CHD6: variants seen among roughly 807,000 people sequenced by gnomAD.
CHD6 encodes chromodomain helicase DNA binding protein 6.
A neutral mutation model predicts 276.9 loss-of-function variants in CHD6; 50 were observed. That is an observed-to-expected ratio of 0.18 (90% CI 0.14 to 0.23). CHD6 has a LOEUF of 0.23. Among genes scored for constraint, CHD6 ranks in the 10% least tolerant of loss-of-function variants. CHD6 has a pLI of 1.00. For missense variants in CHD6, 2,564 were observed against 3,365.8 expected (o/e 0.76, Z 5.89); for synonymous variants, 1,173 against 1,229.3 (o/e 0.95, Z 0.96).
intron 1 of CHD6, among the ~76,000 whole-genome samples, chr20:41,599,814 C>T (rs1176068193): frequency 6.6e-6 from 1 of 152,210 alleles, no homozygotes; most frequent in East Asian, 1.9e-4. Flanking sequence ...TAAACAACCC[C>T]TCCCAACTAG....
At chr20:41,470,874 T>G (rs2145771439) in intron 17 of CHD6, among the ~76,000 whole-genome samples, 1 of 152,364 alleles carries the variant, frequency 6.6e-6, no homozygotes, top group Non-Finnish European at 1.5e-5. Flanking sequence ...CCATGAGCTG[T>G]TGCCAGCCCC....
chr20:41,487,931 A>G (rs1451943983), intron 13 of CHD6, 123 bp from the exon 14 acceptor site: 26 of 924,180 alleles, frequency 2.8e-5, no homozygotes, highest in Non-Finnish European at 4.1e-5. Flanking sequence ...TGCTTTAATG[A>G]AAAGATAATA....
rs1376721611 is a variant in CHD6 at position 41,403,368 on chromosome 20, G to A, written c.*1225C>T. ...CGTTAACATGAAGGTGAAAGGACATGGGGAAGTGCTGCTTAGGCAGTTTCT... is the reference window on the plus strand; with the variant it reads ...CGTTAACATGAAGGTGAAAGGACATAGGGAAGTGCTGCTTAGGCAGTTTCT... On this transcript the variant is annotated 3_prime_UTR_variant, in exon 37 of 37. Transcript: ENST00000373233. 1 of 1,062,568 alleles carries A rather than the reference G, an allele frequency of 9.4e-7. No individual in the cohort carries two copies. Among genetic ancestry groups the A allele is most frequent in the African/African-American group, 1.6e-5 (1 of 60,912 alleles). 65.8% of individuals were successfully genotyped at this position (1,062,568 alleles called of 1,614,324 possible). A position where few individuals can be genotyped will look rare whatever the true frequency, so the allele number is the denominator to read the frequency against.
chr20:41,606,879 A>G (rs2045835442), intron 1 of CHD6, among the ~76,000 whole-genome samples: 1 of 152,190 alleles, frequency 6.6e-6, no homozygotes, highest in African/African-American at 2.4e-5. Flanking sequence ...GTATTTTTAT[A>G]AGCTCTTCAG....
chr20:41,504,584 A>G lies in CHD6; in HGVS notation c.853-5227T>C, dbSNP rs1296735309. Among the ~76,000 whole-genome samples the G allele has an allele frequency of 2.0e-5, 3 of 151,548 alleles. No individual in the cohort carries two copies. In the East Asian group the frequency reaches 5.8e-4, roughly 29 times the overall value. ...GCCACCACACCCAGCTAATTTTTGT[A>G]TTTTTTGTAGAGAAGGGGTTTTGCC... On this transcript the variant is annotated intron_variant, in intron 5 of 36. Coordinates refer to ENST00000373233, the MANE Select transcript of CHD6 (RefSeq NM_032221.5).
At chr20:41,411,456 A>G (rs1419324357) in intron 36 of CHD6, among the ~76,000 whole-genome samples, 1 of 152,114 alleles carries the variant, frequency 6.6e-6, no homozygotes, top group Non-Finnish European at 1.5e-5. Flanking sequence ...GAGCATCTTC[A>G]GGAGCTCCCT....
At chr20:41,411,440 C>G (rs1600791914) in intron 36 of CHD6, among the ~76,000 whole-genome samples, 1 of 151,864 alleles carries the variant, frequency 6.6e-6, no homozygotes, top group East Asian at 1.9e-4. Flanking sequence ...AGGCAAAAGT[C>G]CCCATGAGCA....
At chr20:41,591,581 T>C (rs2045661483) in intron 1 of CHD6, among the ~76,000 whole-genome samples, 2 of 152,088 alleles carry the variant, frequency 1.3e-5, no homozygotes, top group East Asian at 1.9e-4. Flanking sequence ...TAATACCAGC[T>C]ATTCGGGAGG....
chr20:41,445,114 T>C (rs1410456623), intron 25 of CHD6, among the ~76,000 whole-genome samples: 1 of 152,238 alleles, frequency 6.6e-6, no homozygotes, highest in African/African-American at 2.4e-5. Context: ...ACTTCAGTTT[T>C]TCCAAGTGTT....
intron 1 of CHD6, among the ~76,000 whole-genome samples, chr20:41,566,252 C>T (rs1038806656): frequency 2.0e-5 from 3 of 152,118 alleles, no homozygotes; most frequent in African/African-American, 4.8e-5. Flanking sequence ...CATGAAATCA[C>T]TATGCCATGT....
chr20:41,519,871 T>C (rs867183832), intron 3 of CHD6, among the ~76,000 whole-genome samples: 6 of 152,186 alleles, frequency 3.9e-5, no homozygotes, highest in Middle Eastern at 6.8e-3. Flanking sequence ...AAAACTACCA[T>C]CAGAGTGAAC....
rs115909426 is a variant in CHD6, at chr20:41,612,428, T to C, written c.-24+5912A>G. Among the ~76,000 whole-genome samples, 520 of 152,354 alleles carry C rather than the reference T, an allele frequency of 3.4e-3. 1 individual carries two copies. The highest frequency in any genetic ancestry group is 0.012 in the African/African-American group (479 of 41,584). On this transcript the variant is annotated intron_variant, in intron 1 of 36. Transcript: ENST00000373233. ...CCCCTAAATCCCTTAAGTGATATTA[T>C]ACCAGGTTTGCTTAAAGAAGCAATC... is the stretch of plus-strand genomic sequence containing the variant.
chr20:41,412,219 T>C lies in CHD6; in HGVS notation c.7176A>G (p.Glu2392=). 1 of 1,614,204 alleles carries C rather than the reference T, an allele frequency of 6.2e-7. No homozygotes were observed. Among genetic ancestry groups the C allele is most frequent in the Non-Finnish European group, 8.5e-7 (1 of 1,180,022 alleles). The change falls in exon 36 of 37, where the codon GAA becomes GAG. Residue 2392 remains glutamate (E), a synonymous_variant. Transcript: ENST00000373233. ...GGGAGCTGACATCTAATTTTCCAGG[T>C]TCTTTACAGCGTGGCCTCCTCTGCT... ...KPKQRRPRCK[E]PGKLDVSSLS... is the part of the protein sequence containing the mutation.
In CHD6 at chr20:41,414,804, C is replaced by T. The variant is rs2046944071; in HGVS notation, c.6939+382G>A. The stretch of plus-strand genomic sequence containing the variant: ...GATCACATTCAGGTAGCCCTGACTC[C>T]TGTTCTTTCTCCCATACCCCAGTCT... On this transcript the variant is annotated intron_variant, in intron 34 of 36. Transcript: ENST00000373233. 3.6e-6 allele frequency: 4 copies of T among 1,125,946 alleles called. No homozygotes were observed. In the South Asian group the frequency reaches 1.3e-4, roughly 38 times the overall value. The allele number at this position is 1,125,946 out of a possible 1,614,324, so 69.7% of individuals were successfully genotyped here.
chr20:41,407,757 G>A (rs1205203817), intron 36 of CHD6, among the ~76,000 whole-genome samples: 1 of 152,212 alleles, frequency 6.6e-6, no homozygotes, highest in Admixed American at 6.5e-5. Context: ...TGGGCACTCA[G>A]CAGCGAGGGG....
chr20:41,460,837 C>G (rs2048524136), intron 17 of CHD6, among the ~76,000 whole-genome samples: 1 of 152,170 alleles, frequency 6.6e-6, no homozygotes, highest in African/African-American at 2.4e-5. Flanking sequence ...AAGAGGGGCA[C>G]CATCCTCCAG....
rs1329780686 is a variant in CHD6, at chr20:41,404,379, G to A, written c.*214C>T. 8.0e-7 allele frequency: 1 copy of A among 1,254,744 alleles called. No homozygotes were observed. The highest frequency in any genetic ancestry group is 1.5e-5 in the African/African-American group (1 of 65,734). The allele number at this position is 1,254,744 out of a possible 1,614,324, so 77.7% of individuals were successfully genotyped here. A position where few individuals can be genotyped will look rare whatever the true frequency, so the allele number is the denominator to read the frequency against. ...AACTGGATAACAGAATGAGAATTCT[G>A]TGCCTCCTAGACTAGGTAGACAACA... is the stretch of plus-strand genomic sequence containing the variant. On this transcript the variant is annotated 3_prime_UTR_variant, in exon 37 of 37. Transcript: ENST00000373233.
chr20:41,500,782 T>C (rs150387929), intron 5 of CHD6, among the ~76,000 whole-genome samples: 2,518 of 152,154 alleles, frequency 0.017, 33 homozygotes, highest in Non-Finnish European at 0.025. Flanking sequence ...AGGAAATGCA[T>C]AATCAATAGG....
chr20:41,452,104 CA>C lies in CHD6; in HGVS notation c.3324-80del. The C allele has an allele frequency of 9.2e-7, 1 of 1,083,676 alleles. No homozygotes were observed. Among genetic ancestry groups the C allele is most frequent in the Non-Finnish European group, 1.4e-6 (1 of 714,876 alleles). 67.1% of individuals were successfully genotyped at this position (1,083,676 alleles called of 1,614,324 possible). A position where few individuals can be genotyped will look rare whatever the true frequency, so the allele number is the denominator to read the frequency against. On this transcript the variant is annotated intron_variant, in intron 21 of 36. Transcript: ENST00000373233. The surrounding 1 kb of genome is among the most constrained non-coding windows in gnomAD (Gnocchi z 4.2). The stretch of plus-strand genomic sequence containing the variant: ...GGCAGCCTCCCCACAGGAGGAGAAA[CA>C]AGAGCCATACATGCTTTTTGTTCTC...
Sources: allele counts gnomAD v4.1 joint callset (sites outside exome capture counted in the v4.1 genomes callset), GRCh38; gene constraint gnomAD v4.1.1; non-coding constraint Gnocchi (gnomAD v3.1); transcripts MANE v1.5; gene names NCBI Gene and HGNC (gene_info 2026-07-23, HGNC 2026-07-21).